The following CTNNA3 variants were observed in gnomAD, a reference collection of about 807,000 sequenced individuals.
CTNNA3 encodes the protein catenin alpha 3.
Under a neutral mutation model 95.7 loss-of-function variants are expected in CTNNA3, and 76 were observed. The ratio of observed to expected loss-of-function variants is 0.79; its 90% CI spans 0.66 to 0.96. The LOEUF (loss-of-function observed/expected upper bound fraction) is 0.96. Ranked by LOEUF, CTNNA3 falls within the 40% of genes least tolerant of loss-of-function variation. CTNNA3 has a pLI of 0.00. For synonymous variants in CTNNA3, 431 were observed against 374.4 expected, an observed-to-expected ratio of 1.15 and a Z score of -1.74; for missense variants, 1,191 against 1,089.8, an observed-to-expected ratio of 1.09 and a Z score of -1.31.
chr10:65,958,260 C>T (rs1374046063), intron 17 of CTNNA3, among the ~76,000 whole-genome samples: 2 of 151,854 alleles, frequency 1.3e-5, no homozygotes, highest in African/African-American at 4.8e-5. Context: ...CTTCTCTATG[C>T]TGTTTATTCT....
intron 5 of CTNNA3, among the ~76,000 whole-genome samples, chr10:67,265,553 T>C (rs910235495): frequency 2.6e-5 from 4 of 152,090 alleles, no homozygotes; most frequent in Admixed American, 1.3e-4. Flanking sequence ...GTTTAAAGTC[T>C]GTTTCTATGG....
At chr10:67,423,030 T>G (rs1845802287) in intron 5 of CTNNA3, among the ~76,000 whole-genome samples, 1 of 152,196 alleles carries the variant, frequency 6.6e-6, no homozygotes, top group African/African-American at 2.4e-5. Context: ...AAATTTATTA[T>G]GCAAAGTGAT....
chr10:67,593,634 T>C lies in CTNNA3; in HGVS notation c.292+13223A>G, dbSNP rs531772798. On this transcript the variant is annotated intron_variant, in intron 3 of 17. Transcript: ENST00000433211. ...TATCCTGAAAGTTTGCTAAAGTTGT[T>C]TATCAGGTCTAGGAGCCTCTGGGCA... 2.0e-5 allele frequency among the ~76,000 whole-genome samples: 3 copies of C among 152,306 alleles called. No homozygotes were observed. In the East Asian group the frequency reaches 5.8e-4, roughly 29 times the overall value.
chr10:67,104,787 G>C (rs1223351953), intron 7 of CTNNA3, among the ~76,000 whole-genome samples: 1 of 151,984 alleles, frequency 6.6e-6, no homozygotes. Context: ...AAAGCACTCT[G>C]TAAGTCATGC....
chr10:67,701,835 T>G (rs1589575933), intron 1 of CTNNA3, among the ~76,000 whole-genome samples: 1 of 152,020 alleles, frequency 6.6e-6, no homozygotes, highest in African/African-American at 2.4e-5. Context: ...ACTGGCAAAT[T>G]GGATAAAGAG....
At chr10:66,702,286 G>A (rs555987406) in intron 9 of CTNNA3, among the ~76,000 whole-genome samples, 4 of 151,972 alleles carry the variant, frequency 2.6e-5, no homozygotes, top group African/African-American at 9.7e-5. Context: ...ATAGGTTACT[G>A]TGTGCTGATT....
intron 11 of CTNNA3, among the ~76,000 whole-genome samples, chr10:66,382,544 G>A (rs964808273): frequency 7.9e-5 from 12 of 152,142 alleles, no homozygotes; most frequent in Non-Finnish European, 1.5e-4. Context: ...AGGCATAAAC[G>A]ACTCTGTCAG....
intron 13 of CTNNA3, among the ~76,000 whole-genome samples, chr10:66,124,936 A>T (rs898093702): frequency 1.3e-5 from 2 of 152,218 alleles, no homozygotes; most frequent in African/African-American, 4.8e-5. Context: ...GCCAAACCAT[A>T]TCACCAAATA....
At chr10:67,427,964 C>G (rs1161786694) in intron 5 of CTNNA3, among the ~76,000 whole-genome samples, 1 of 152,058 alleles carries the variant, frequency 6.6e-6, no homozygotes, top group Admixed American at 6.6e-5. Context: ...CCTTTCATCT[C>G]CCTGCTTCTA....
At chr10:67,361,267 C>A (rs1842982709) in intron 5 of CTNNA3, among the ~76,000 whole-genome samples, 1 of 152,068 alleles carries the variant, frequency 6.6e-6, no homozygotes, top group Admixed American at 6.6e-5. Flanking sequence ...TGACACTTGA[C>A]CAACTGGATC....
intron 3 of CTNNA3, among the ~76,000 whole-genome samples, chr10:67,587,193 T>TGTGTG (rs1842653827): frequency 1.5e-5 from 2 of 130,064 alleles, no homozygotes; most frequent in South Asian, 5.5e-4. Flanking sequence ...CCCAGCTAAC[T>TGTGTG]TGTGTGTGTG....
intron 14 of CTNNA3, among the ~76,000 whole-genome samples, chr10:66,076,623 T>C (rs1030412579): frequency 5.3e-5 from 8 of 151,714 alleles, no homozygotes; most frequent in Admixed American, 4.0e-4. Flanking sequence ...TTCACTGTTA[T>C]AAAACTGTCT....
At chr10:67,364,129 G>A (rs1843111818) in intron 5 of CTNNA3, among the ~76,000 whole-genome samples, 1 of 152,150 alleles carries the variant, frequency 6.6e-6, no homozygotes, top group South Asian at 2.1e-4. Flanking sequence ...TATCCACCAT[G>A]ATCAAGTCGG....
chr10:66,893,040 G>C (rs1845333380), intron 7 of CTNNA3, among the ~76,000 whole-genome samples: 1 of 152,044 alleles, frequency 6.6e-6, no homozygotes, highest in South Asian at 2.1e-4. Context: ...GTCTCTTTGA[G>C]ATGTTACTAT....
chr10:67,644,438 A>G (rs568476000), intron 2 of CTNNA3, among the ~76,000 whole-genome samples: 1 of 152,088 alleles, frequency 6.6e-6, no homozygotes, highest in Non-Finnish European at 1.5e-5. Context: ...ATAAAAATAA[A>G]CACTTTTTGA....
At chr10:67,535,659 A>C (rs1262796302) in intron 4 of CTNNA3, among the ~76,000 whole-genome samples, 3 of 152,114 alleles carry the variant, frequency 2.0e-5, no homozygotes, top group African/African-American at 7.2e-5. Flanking sequence ...TTCACATCAG[A>C]GAGTTTGTTT....
chr10:67,718,362 G>T (rs140679344), intron 1 of CTNNA3, among the ~76,000 whole-genome samples: 1 of 152,160 alleles, frequency 6.6e-6, no homozygotes, highest in South Asian at 2.1e-4. Context: ...TTGAGTAGTG[G>T]TGAGAGAGGG....
chr10:65,972,488 T>A (rs1344945686), intron 16 of CTNNA3, among the ~76,000 whole-genome samples: 9 of 152,130 alleles, frequency 5.9e-5, no homozygotes, highest in South Asian at 2.1e-4. Flanking sequence ...CTTCAGTAAT[T>A]TTTTAGGATA....
chr10:66,474,406 T>A (rs752101296), intron 11 of CTNNA3, among the ~76,000 whole-genome samples: 7 of 152,096 alleles, frequency 4.6e-5, no homozygotes, highest in Non-Finnish European at 8.8e-5. Flanking sequence ...CTGAATAGTA[T>A]CCCACTGTGT....
Sources: gnomAD v4.1 joint callset for allele counts (sites outside exome capture counted in the v4.1 genomes callset) on GRCh38, gnomAD v4.1.1 for gene constraint, MANE v1.5 for transcripts, NCBI Gene and HGNC (gene_info 2026-07-23, HGNC 2026-07-21) for gene names.